PTPRD: variants seen among roughly 807,000 people sequenced by gnomAD.
PTPRD encodes the protein protein tyrosine phosphatase receptor type D.
In PTPRD, 34 loss-of-function variants were observed where a neutral mutation model predicts 214.5. The observed-to-expected ratio is 0.16, with a 90% CI of 0.12 to 0.21. The LOEUF is 0.21. PTPRD is among the 10% of genes least tolerant of loss of function. The probability of loss-of-function intolerance (pLI) is 1.00; values close to 1 mark genes in which losing one functional copy is unlikely to be tolerated. For missense variants in PTPRD, 2,545 were observed against 2,398.7 expected (o/e 1.06, Z -1.27); for synonymous variants, 1,128 against 845.7 (o/e 1.33, Z -5.79).
chr9:8,412,276 A>G (rs2093592154), intron 35 of PTPRD, among the ~76,000 whole-genome samples: 1 of 152,204 alleles, frequency 6.6e-6, no homozygotes, highest in African/African-American at 2.4e-5. Flanking sequence ...ATGCACACCT[A>G]GAAACATTAA....
intron 2 of PTPRD, among the ~76,000 whole-genome samples, chr9:10,577,542 T>C (rs1012519345): frequency 6.6e-6 from 1 of 152,200 alleles, no homozygotes; most frequent in Non-Finnish European, 1.5e-5. Context: ...TACCAACATC[T>C]TTCTTTTCAC....
intron 5 of PTPRD, among the ~76,000 whole-genome samples, chr9:9,809,664 G>C (rs529607602): frequency 2.2e-4 from 33 of 152,272 alleles, no homozygotes; most frequent in Non-Finnish European, 3.5e-4. Flanking sequence ...TTAGGAGTGA[G>C]AATGTAACAT....
Position 9,529,378 on chromosome 9 carries a change from G to A in PTPRD, c.-237+45354C>T, listed in dbSNP as rs113934455. Among the ~76,000 whole-genome samples, 13 of 151,828 alleles carry A rather than the reference G, an allele frequency of 8.6e-5. 1 individual carries two copies. Among genetic ancestry groups the A allele is most frequent in the African/African-American group, 2.2e-4 (9 of 41,402 alleles). On this transcript the variant is annotated intron_variant, in intron 8 of 45. Transcript: ENST00000381196. Reference sequence around the variant, plus strand: ...CAAACTAAGGCTGGGTGAAATATTTGTAATACATGTATGTAATAAAGGACA... The same window carrying A: ...CAAACTAAGGCTGGGTGAAATATTTATAATACATGTATGTAATAAAGGACA...
At chr9:10,524,221 A>G (rs2053520803) in intron 2 of PTPRD, among the ~76,000 whole-genome samples, 1 of 152,088 alleles carries the variant, frequency 6.6e-6, no homozygotes, top group Non-Finnish European at 1.5e-5. Flanking sequence ...TTCAATCCTT[A>G]GCATGTTCCA....
chr9:9,211,379 T>C (rs1373807), intron 9 of PTPRD, among the ~76,000 whole-genome samples: 21,598 of 152,108 alleles, frequency 0.14, 1,759 homozygotes, highest in Non-Finnish European at 0.18. Flanking sequence ...ATTAGGAATA[T>C]AGGAATTAAT....
chr9:9,376,586 G>A (rs2060865845), intron 9 of PTPRD, among the ~76,000 whole-genome samples: 1 of 152,084 alleles, frequency 6.6e-6, no homozygotes, highest in Non-Finnish European at 1.5e-5. Context: ...ATTTAATAAA[G>A]TGAAACATTT....
chr9:9,812,111 A>G (rs1276688342), intron 5 of PTPRD, among the ~76,000 whole-genome samples: 3 of 144,878 alleles, frequency 2.1e-5, no homozygotes, highest in Non-Finnish European at 4.5e-5. Flanking sequence ...TTTAGCAACA[A>G]GTTAATTTTT....
In PTPRD at chr9:9,014,198, TG is replaced by T. The variant is rs766562599; in HGVS notation, c.-104+4498del. Among the ~76,000 whole-genome samples the T allele has an allele frequency of 9.3e-3, 1,165 of 125,422 alleles. 13 individuals carry two copies. The highest frequency in any genetic ancestry group is 0.022 in the East Asian group (98 of 4,486). The allele number at this position is 125,422 out of a possible 152,430, so 82.3% of individuals were successfully genotyped here. A position where few individuals can be genotyped will look rare whatever the true frequency, so the allele number is the denominator to read the frequency against. On this transcript the variant is annotated intron_variant, in intron 11 of 45. Coordinates refer to ENST00000381196, the MANE Select transcript of PTPRD (RefSeq NM_002839.4). ...CCTCGTTTTTTTTTGTTTGTTTGTT[TG>T]TTTTTTTTTTTTTTCTGGAAGCATT...
chr9:8,560,193 G>A lies in PTPRD; in HGVS notation c.353-31414C>T, dbSNP rs192795421. 2.0e-5 allele frequency among the ~76,000 whole-genome samples: 3 copies of A among 152,164 alleles called. No homozygotes were observed. In the East Asian group the frequency reaches 5.8e-4, roughly 29 times the overall value. ...GTGGGTTTATTATAATTTGAACAAT[G>A]TTTATAATCTCTCAATTCAAAAAAT... is the stretch of plus-strand genomic sequence containing the variant. On this transcript the variant is annotated intron_variant, in intron 14 of 45. Coordinates refer to ENST00000381196, the MANE Select transcript of PTPRD (RefSeq NM_002839.4).
intron 2 of PTPRD, among the ~76,000 whole-genome samples, chr9:10,522,566 G>T (rs1392352609): frequency 6.6e-6 from 1 of 152,076 alleles, no homozygotes; most frequent in Non-Finnish European, 1.5e-5. Context: ...CAATAAAGGT[G>T]AATCCAGATT....
chr9:8,815,905 C>T (rs911341223), intron 11 of PTPRD, among the ~76,000 whole-genome samples: 1 of 152,144 alleles, frequency 6.6e-6, no homozygotes, highest in East Asian at 1.9e-4. Flanking sequence ...TAACCATTAG[C>T]CTGCTTTAAC....
At chr9:9,324,534 G>A (rs1451470644) in intron 9 of PTPRD, among the ~76,000 whole-genome samples, 2 of 152,126 alleles carry the variant, frequency 1.3e-5, no homozygotes, top group African/African-American at 4.8e-5. Context: ...TTTTGATGGG[G>A]TTGTTTGATT....
At chr9:9,712,465 T>G (rs1381347272) in intron 7 of PTPRD, among the ~76,000 whole-genome samples, 1 of 152,218 alleles carries the variant, frequency 6.6e-6, no homozygotes, top group African/African-American at 2.4e-5. Context: ...GCCAAAAGCA[T>G]GATGCTCTCT....
intron 8 of PTPRD, among the ~76,000 whole-genome samples, chr9:9,440,836 T>C (rs757379648): frequency 1.3e-5 from 2 of 152,194 alleles, no homozygotes; most frequent in African/African-American, 4.8e-5. Flanking sequence ...TGATTCATGA[T>C]TATGTTTAGC....
intron 2 of PTPRD, among the ~76,000 whole-genome samples, chr9:10,413,740 G>A (rs1160862657): frequency 6.6e-6 from 1 of 151,858 alleles, no homozygotes; most frequent in East Asian, 1.9e-4. Flanking sequence ...AAAACAGCAA[G>A]ATATTGGTAC....
chr9:9,214,460 G>A (rs545223408), intron 9 of PTPRD, among the ~76,000 whole-genome samples: 263 of 151,142 alleles, frequency 1.7e-3, no homozygotes, highest in African/African-American at 6.1e-3. Flanking sequence ...ACTGTTAAAC[G>A]TTAAAGCAGT....
chr9:10,067,959 T>C (rs2097914294), intron 3 of PTPRD, among the ~76,000 whole-genome samples: 2 of 151,920 alleles, frequency 1.3e-5, no homozygotes, highest in Admixed American at 1.3e-4. Flanking sequence ...AGATGGCTCT[T>C]GGGATTTTGT....
chr9:9,595,670 A>C (rs2093286295), intron 7 of PTPRD, among the ~76,000 whole-genome samples: 1 of 151,862 alleles, frequency 6.6e-6, no homozygotes, highest in African/African-American at 2.4e-5. Flanking sequence ...GCAGGCTACT[A>C]TTCTAAGTGA....
At chr9:9,642,591 A>G (rs369546551) in intron 7 of PTPRD, among the ~76,000 whole-genome samples, 2 of 152,048 alleles carry the variant, frequency 1.3e-5, no homozygotes, top group South Asian at 2.1e-4. Context: ...TCCCTCCCCA[A>G]TTCATCTTGA....
Sources: allele counts gnomAD v4.1 joint callset (sites outside exome capture counted in the v4.1 genomes callset), GRCh38; gene constraint gnomAD v4.1.1; transcripts MANE v1.5; gene names NCBI Gene and HGNC (gene_info 2026-07-23, HGNC 2026-07-21).